Variants in MAIP1 observed in about 807,000 individuals in gnomAD.
MAIP1 encodes m-AAA protease-interacting protein 1, mitochondrial.
MAIP1 carries 28 observed loss-of-function variants against 31.2 expected under a neutral mutation model. The observed-to-expected ratio is 0.90, with a 90% confidence interval of 0.67 to 1.23. MAIP1 has a LOEUF of 1.23. Ranked by LOEUF, MAIP1 falls within the 50% of genes most tolerant of loss-of-function variation. The pLI, the probability that MAIP1 is intolerant of heterozygous loss-of-function variation, is 0.00. For synonymous variants in MAIP1, 142 were observed against 142.3 expected (o/e 1.00, Z 0.02); for missense variants, 339 against 356.0 (o/e 0.95, Z 0.38).
intron 4 of MAIP1, 51 bp downstream of exon 4, chr2:199,961,979 G>T: frequency 6.7e-7 from 1 of 1,488,164 alleles, no homozygotes; most frequent in South Asian, 1.3e-5. Flanking sequence ...ATGGAAGGTA[G>T]TGTGAAGGTA....
intron 2 of MAIP1, among the ~76,000 whole-genome samples, 200 bp downstream of exon 2, chr2:199,959,539 CATG>C (rs1003247104): frequency 1.3e-5 from 2 of 152,122 alleles, no homozygotes; most frequent in Admixed American, 1.3e-4. Context: ...ATGAAGTAAT[CATG>C]ATGTCTTCCA....
Position 199,956,062 on chromosome 2 carries a change from C to A in MAIP1, c.264C>A (p.Phe88Leu), listed in dbSNP as rs560623066. ...SPGLPAAFASFPACPQRSYST... is the reference protein window; with the variant it reads ...SPGLPAAFASLPACPQRSYST... Reference sequence around the variant, plus strand: ...GACTCCCCGCAGCCTTCGCTTCTTTCCCTGCCTGCCCTCAGCGCAGCTACA... The same window carrying A: ...GACTCCCCGCAGCCTTCGCTTCTTTACCTGCCTGCCCTCAGCGCAGCTACA... The change falls in exon 1 of 5, where the codon TTC (phenylalanine) becomes TTA (leucine). Residue 88 changes from phenylalanine to leucine, a missense_variant. By Grantham distance (22) the Phe-to-Leu change is conservative (BLOSUM62 0). Coordinates refer to ENST00000392290, the MANE Select transcript of MAIP1 (RefSeq NM_001394955.1). The A allele has an allele frequency of 5.0e-6, 8 of 1,612,874 alleles. No individual in the cohort carries two copies. The Admixed American group carries it at 1.3e-4, about 27-fold the overall frequency.
upstream of MAIP1, chr2:199,955,436 T>C (rs372402699): frequency 3.2e-5 from 52 of 1,613,788 alleles, no homozygotes; most frequent in Non-Finnish European, 4.2e-5. Context: ...AGAAACGCCC[T>C]CCAGCCGGGG....
Position 199,959,860 on chromosome 2 carries a change from C to T in MAIP1, c.629C>T (p.Ser210Phe), listed in dbSNP as rs940123362. ...EIVFTSTGDI[S>F]IYYDEKGRKF... is the part of the protein sequence containing the mutation. ...GTATTTACATCAACAGGAGACATCTCCATTTACTATGATGAGAAAGGTAAT... is the reference window on the plus strand; with the variant it reads ...GTATTTACATCAACAGGAGACATCTTCATTTACTATGATGAGAAAGGTAAT... The change falls in exon 3 of 5, where the codon TCC (serine) becomes TTC (phenylalanine). Residue 210 changes from serine (S) to phenylalanine (F), a missense_variant. By Grantham distance (155) the Ser-to-Phe change is radical (BLOSUM62 -2). Coordinates refer to ENST00000392290, the MANE Select transcript of MAIP1 (RefSeq NM_001394955.1). 6.2e-7 allele frequency: 1 copy of T among 1,611,956 alleles called. No individual in the cohort carries two copies. Among genetic ancestry groups the T allele is most frequent in the South Asian group, 1.1e-5 (1 of 90,960 alleles).
At chr2:199,956,305 C>T in intron 1 of MAIP1, 57 bp downstream of exon 1, 1 of 1,375,062 alleles carries the variant, frequency 7.3e-7, no homozygotes, top group African/African-American at 1.4e-5. Context: ...CTATTGCTCG[C>T]AGAAGTGCTT....
At position 199,959,862 on chromosome 2, in the gene MAIP1, A is replaced by G. The variant is rs1272382659; in HGVS notation, c.631A>G (p.Ile211Val). The part of the protein sequence containing the change: ...IVFTSTGDIS[I>V]YYDEKGRKFV... ...ATTTACATCAACAGGAGACATCTCC[A>G]TTTACTATGATGAGAAAGGTAATAC... Residue 211 changes from isoleucine to valine, a missense_variant, in exon 3 of 5, where the codon ATT (isoleucine) becomes GTT (valine). Coordinates refer to ENST00000392290, the MANE Select transcript of MAIP1 (RefSeq NM_001394955.1). The G allele has an allele frequency of 6.2e-7, 1 of 1,612,180 alleles. No individual in the cohort carries two copies. Among genetic ancestry groups the G allele is most frequent in the Non-Finnish European group, 8.5e-7 (1 of 1,179,174 alleles).
chr2:199,959,009 T>G (rs2077622376), intron 1 of MAIP1, among the ~76,000 whole-genome samples: 1 of 152,224 alleles, frequency 6.6e-6, no homozygotes, highest in Non-Finnish European at 1.5e-5. Context: ...TTGAGACATC[T>G]AGATTGTACA....
At position 199,961,768 on chromosome 2, in the gene MAIP1, T is replaced by G; in HGVS notation, c.650-13T>G. 6.2e-7 allele frequency: 1 copy of G among 1,605,624 alleles called. No homozygotes were observed. Among genetic ancestry groups the G allele is most frequent in the Non-Finnish European group, 8.5e-7 (1 of 1,175,922 alleles). ...ATTTGTATTCGTATGTGTGTATATG[T>G]TTTTTCTCTAAGGAAGGAAGTTTGT... On this transcript the variant is annotated splice_polypyrimidine_tract_variant and intron_variant, in intron 3 of 4. Coordinates refer to ENST00000392290, the MANE Select transcript of MAIP1 (RefSeq NM_001394955.1).
At chr2:199,961,311 A>G (rs1397448449) in intron 3 of MAIP1, among the ~76,000 whole-genome samples, 2 of 152,032 alleles carry the variant, frequency 1.3e-5, no homozygotes, top group Non-Finnish European at 2.9e-5. Flanking sequence ...GAAAATATGA[A>G]AAAATAGCCG....
intron 1 of MAIP1, among the ~76,000 whole-genome samples, chr2:199,958,221 G>C (rs1574819714): frequency 6.6e-6 from 1 of 152,256 alleles, no homozygotes; most frequent in East Asian, 1.9e-4. Flanking sequence ...TCCTCCCTGT[G>C]CATGCGTGCT....
rs1205607918 is a variant in MAIP1, at chr2:199,959,891, A to G, written c.649+11A>G. The stretch of plus-strand genomic sequence containing the variant: ...ACTATGATGAGAAAGGTAATACCAG[A>G]GCATAGTCAACTTGAAATGATCCAT... On this transcript the variant is annotated intron_variant, in intron 3 of 4. Transcript: ENST00000392290. 3.7e-6 allele frequency: 6 copies of G among 1,608,470 alleles called. No individual in the cohort carries two copies. The highest frequency in any genetic ancestry group is 5.1e-6 in the Non-Finnish European group (6 of 1,177,600).
In MAIP1 at chr2:199,956,032, C is replaced by T. The variant is rs919550924; in HGVS notation, c.234C>T (p.Ser78=). ...GCTCCCGGTGGCCAGTGCTCAGCAG[C>T]CCGGGACTCCCCGCAGCCTTCGCTT... ...AQGSRWPVLS[S]PGLPAAFASF... The change falls in exon 1 of 5, where the codon AGC becomes AGT. Residue 78 remains serine (S), a synonymous_variant. Coordinates refer to ENST00000392290, the MANE Select transcript of MAIP1 (RefSeq NM_001394955.1). 2.5e-6 allele frequency: 4 copies of T among 1,608,916 alleles called. No homozygotes were observed. The African/African-American group carries it at 5.3e-5, about 22-fold the overall frequency.
At chr2:199,956,378 G>A (rs2077604562) in intron 1 of MAIP1, 130 bp downstream of exon 1, 1 of 769,754 alleles carries the variant, frequency 1.3e-6, no homozygotes, top group South Asian at 1.7e-5. Context: ...CAGACATAGA[G>A]CCTTCCAGCC....
At chr2:199,961,159 A>G (rs932924651) in intron 3 of MAIP1, among the ~76,000 whole-genome samples, 3 of 152,054 alleles carry the variant, frequency 2.0e-5, no homozygotes, top group South Asian at 2.1e-4. Flanking sequence ...TCAGGAGATT[A>G]TTATAATCTT....
At chr2:199,959,970 C>A in intron 3 of MAIP1, 90 bp downstream of exon 3, 3 of 1,220,176 alleles carry the variant, frequency 2.5e-6, no homozygotes, top group Non-Finnish European at 3.4e-6. Flanking sequence ...AGAGTTTTGT[C>A]AGGACAAGTA....
chr2:199,957,111 T>C (rs1288563113), intron 1 of MAIP1, among the ~76,000 whole-genome samples: 1 of 142,484 alleles, frequency 7.0e-6, no homozygotes, highest in Non-Finnish European at 1.5e-5. Flanking sequence ...CTGATAACAA[T>C]AGAAGTCGGC....
In MAIP1 at chr2:199,955,626, G is replaced by A. The variant is rs920053457; in HGVS notation, c.-173G>A. ...TCCGAGCGCGGGGCGGGTTGCCGAA[G>A]GGCCTCGGCCTGGGCTGCGTGCTGG... On this transcript the variant is annotated 5_prime_UTR_variant, in exon 1 of 5. Coordinates refer to ENST00000392290, the MANE Select transcript of MAIP1 (RefSeq NM_001394955.1). The A allele has an allele frequency of 7.5e-6, 9 of 1,192,994 alleles. No homozygotes were observed. Among genetic ancestry groups the A allele is most frequent in the Non-Finnish European group, 6.9e-6 (6 of 865,264 alleles). 73.9% of individuals were successfully genotyped at this position (1,192,994 alleles called of 1,614,324 possible). A position where few individuals can be genotyped will look rare whatever the true frequency, so the allele number is the denominator to read the frequency against.
intron 4 of MAIP1, 60 bp from the exon 5 acceptor site, chr2:199,963,673 G>T: frequency 1.0e-6 from 1 of 992,376 alleles, no homozygotes; most frequent in Non-Finnish European, 1.6e-6. Context: ...AAATTACATA[G>T]TTATCTAACA....
chr2:199,959,734 C>T lies in MAIP1; in HGVS notation c.523-20C>T. On this transcript the variant is annotated intron_variant, in intron 2 of 4. Transcript: ENST00000392290. ...AAAAATTGTATCAGTGAACTAATGGCTTGCTTTTTTCAAACTTAGGTGCTA... is the reference window on the plus strand; with the variant it reads ...AAAAATTGTATCAGTGAACTAATGGTTTGCTTTTTTCAAACTTAGGTGCTA... 6.3e-7 allele frequency: 1 copy of T among 1,594,048 alleles called. No homozygotes were observed. Among genetic ancestry groups the T allele is most frequent in the Non-Finnish European group, 8.5e-7 (1 of 1,171,672 alleles).
Sources: allele counts gnomAD v4.1 joint callset (sites outside exome capture counted in the v4.1 genomes callset), GRCh38; gene constraint gnomAD v4.1.1; transcripts MANE v1.5; gene names NCBI Gene and HGNC (gene_info 2026-07-23, HGNC 2026-07-21).